PPP2R2C: variants seen among roughly 807,000 people sequenced by gnomAD.
The protein encoded by PPP2R2C is protein phosphatase 2 regulatory subunit Bgamma, also known as protein phosphatase 2, regulatory subunit B, gamma.
Under a neutral mutation model 45.3 loss-of-function variants are expected in PPP2R2C, and 10 were observed. The ratio of observed to expected loss-of-function variants is 0.22; its 90% CI spans 0.14 to 0.37. PPP2R2C has a LOEUF of 0.37. Among genes scored for constraint, PPP2R2C ranks in the 10% least tolerant of loss-of-function variants. The pLI is 1.00. For synonymous variants in PPP2R2C, 257 were observed against 245.4 expected (o/e 1.05, Z -0.44); for missense variants, 308 against 619.7 (o/e 0.50, Z 5.34).
At chr4:6,326,127 G>T (rs1731919805) in intron 8 of PPP2R2C, among the ~76,000 whole-genome samples, 2 of 152,252 alleles carry the variant, frequency 1.3e-5, no homozygotes, top group Admixed American at 6.5e-5. Flanking sequence ...GACCCACACA[G>T]AGCCAATCAG....
intron 5 of PPP2R2C, chr4:6,350,257 G>C: frequency 1.0e-6 from 1 of 985,476 alleles, no homozygotes; most frequent in Non-Finnish European, 1.2e-6. Flanking sequence ...AGCCCTCCCA[G>C]GCCGAATGCC....
intron 1 of PPP2R2C, among the ~76,000 whole-genome samples, chr4:6,435,666 G>C (rs1013550203): frequency 2.0e-5 from 3 of 152,192 alleles, no homozygotes; most frequent in Non-Finnish European, 4.4e-5. Flanking sequence ...GAGTAATCTA[G>C]TTCTTAGAAA....
chr4:6,558,378 C>A, intron 1 of PPP2R2C, among the ~76,000 whole-genome samples: 1 of 152,156 alleles, frequency 6.6e-6, no homozygotes, highest in Non-Finnish European at 1.5e-5. Flanking sequence ...GGAAGGCCAC[C>A]CATGCAAGGT....
At chr4:6,401,759 G>GA (rs1717423531) in intron 1 of PPP2R2C, among the ~76,000 whole-genome samples, 1 of 152,126 alleles carries the variant, frequency 6.6e-6, no homozygotes, top group South Asian at 2.1e-4. Context: ...ACTCACAGAG[G>GA]AAAGTCACAA....
At chr4:6,500,959 C>T (rs1010555980) in intron 2 of PPP2R2C, among the ~76,000 whole-genome samples, 1 of 152,234 alleles carries the variant, frequency 6.6e-6, no homozygotes, top group Non-Finnish European at 1.5e-5. Context: ...AGGCAGGGAG[C>T]AGGAAGCCTC....
At chr4:6,425,099 T>C (rs578233183) in intron 1 of PPP2R2C, among the ~76,000 whole-genome samples, 43 of 152,296 alleles carry the variant, frequency 2.8e-4, no homozygotes, top group African/African-American at 1.0e-3. Flanking sequence ...CCCATTCATA[T>C]AGGGTTGCCG....
chr4:6,495,815 C>A (rs1241392031), intron 2 of PPP2R2C, among the ~76,000 whole-genome samples: 1 of 152,206 alleles, frequency 6.6e-6, no homozygotes, highest in African/African-American at 2.4e-5. Flanking sequence ...AGTTCCCAGG[C>A]TGCCATTATA....
At chr4:6,424,598 G>A (rs1220713602) in intron 1 of PPP2R2C, among the ~76,000 whole-genome samples, 1 of 152,214 alleles carries the variant, frequency 6.6e-6, no homozygotes, top group Non-Finnish European at 1.5e-5. Context: ...TCGATACATT[G>A]ACACAGGAGA....
At position 6,427,003 on chromosome 4, in the gene PPP2R2C, C is replaced by T. The variant is rs147948196; in HGVS notation, c.70+45157G>A. On this transcript the variant is annotated intron_variant, in intron 1 of 8. Transcript: ENST00000382599. ...CATCGGCCTGAGACTGAGATGGAAGCGGCCACATACCACGGAGGGCACATC... is the reference window on the plus strand; with the variant it reads ...CATCGGCCTGAGACTGAGATGGAAGTGGCCACATACCACGGAGGGCACATC... Among the ~76,000 whole-genome samples the T allele has an allele frequency of 3.5e-3, 538 of 152,326 alleles. 4 individuals carry two copies. Among genetic ancestry groups the T allele is most frequent in the African/African-American group, 0.01 (419 of 41,572 alleles).
intron 1 of PPP2R2C, chr4:6,384,055 G>A (rs559118280): frequency 1.0e-5 from 10 of 985,466 alleles, no homozygotes; most frequent in Admixed American, 1.2e-4. Flanking sequence ...CAGCTCTGTG[G>A]GAACACGGAA....
intron 2 of PPP2R2C, among the ~76,000 whole-genome samples, chr4:6,526,298 C>T (rs1409430147): frequency 1.3e-5 from 2 of 152,252 alleles, no homozygotes; most frequent in Non-Finnish European, 2.9e-5. Context: ...GAAATGCCTG[C>T]TTCTGGCTCC....
intron 1 of PPP2R2C, among the ~76,000 whole-genome samples, chr4:6,459,514 T>G (rs978850731): frequency 1.3e-5 from 2 of 151,920 alleles, no homozygotes; most frequent in Non-Finnish European, 2.9e-5. Context: ...AAACCAAGGG[T>G]CAGTGTTTGC....
intron 2 of PPP2R2C, among the ~76,000 whole-genome samples, chr4:6,483,477 A>G (rs1722431277): frequency 6.6e-6 from 1 of 152,108 alleles, no homozygotes; most frequent in Non-Finnish European, 1.5e-5. Context: ...TCTAACAGTT[A>G]TGTAATAGTA....
intron 1 of PPP2R2C, among the ~76,000 whole-genome samples, chr4:6,459,081 T>C (rs776957651): frequency 3.9e-5 from 6 of 152,122 alleles, no homozygotes; most frequent in Non-Finnish European, 8.8e-5. Context: ...ACTTCAAAAC[T>C]TAATGGCTTC....
chr4:6,371,510 G>A (rs1432170758), intron 5 of PPP2R2C, among the ~76,000 whole-genome samples: 2 of 152,176 alleles, frequency 1.3e-5, no homozygotes, highest in Non-Finnish European at 2.9e-5. Flanking sequence ...TTGCATGGAG[G>A]CTCTCAGGAG....
At position 6,364,718 on chromosome 4, in the gene PPP2R2C, G is replaced by A. The variant is rs1014431441; in HGVS notation, c.625+7805C>T. Among the ~76,000 whole-genome samples the A allele has an allele frequency of 5.3e-5, 8 of 152,144 alleles. No homozygotes were observed. The East Asian group carries it at 7.7e-4, about 15-fold the overall frequency. ...GAACCCAAGTGAGCTGCCCGAGGCCGCGGAGTCCCTATGTCTTGGGGCCAA... is the reference window on the plus strand; with the variant it reads ...GAACCCAAGTGAGCTGCCCGAGGCCACGGAGTCCCTATGTCTTGGGGCCAA... On this transcript the variant is annotated intron_variant, in intron 5 of 8. Transcript: ENST00000382599. The surrounding 1 kb of genome is among the most constrained non-coding windows in gnomAD (Gnocchi z 5.3).
chr4:6,355,984 C>T (rs1195346904), intron 5 of PPP2R2C, among the ~76,000 whole-genome samples: 1 of 93,064 alleles, frequency 1.1e-5, no homozygotes, highest in Non-Finnish European at 2.2e-5. Flanking sequence ...CAGAGTGAGA[C>T]TCTGCCTGGA....
chr4:6,388,332 G>A (rs990399234), intron 1 of PPP2R2C, among the ~76,000 whole-genome samples: 9 of 152,206 alleles, frequency 5.9e-5, no homozygotes, highest in African/African-American at 2.2e-4. Context: ...GTCCCTGCAC[G>A]CCAGAGCCAG....
chr4:6,343,087 T>G (rs1167779074), intron 6 of PPP2R2C, among the ~76,000 whole-genome samples: 1 of 152,180 alleles, frequency 6.6e-6, no homozygotes, highest in African/African-American at 2.4e-5. Context: ...AAATCCCTTT[T>G]AAAAAATTAG....
Sources: allele counts gnomAD v4.1 joint callset (sites outside exome capture counted in the v4.1 genomes callset), GRCh38; gene constraint gnomAD v4.1.1; non-coding constraint Gnocchi (gnomAD v3.1); transcripts MANE v1.5; gene names NCBI Gene and HGNC (gene_info 2026-07-23, HGNC 2026-07-21).